PHLPP1: variants seen among roughly 807,000 people sequenced by gnomAD.
PHLPP1 encodes PH domain and leucine rich repeat protein phosphatase 1, also known as PH domain leucine-rich repeat-containing protein phosphatase 1.
A neutral mutation model predicts 117.2 loss-of-function variants in PHLPP1; 42 were observed. The ratio of observed to expected loss-of-function variants is 0.36; its 90% CI spans 0.28 to 0.46. The LOEUF (loss-of-function observed/expected upper bound fraction) is 0.46, where lower values mean the gene tolerates loss of function less well. Among genes scored for constraint, PHLPP1 ranks in the 20% least tolerant of loss-of-function variants. The probability of loss-of-function intolerance (pLI) is 1.00; values close to 1 mark genes in which losing one functional copy is unlikely to be tolerated. For synonymous variants in PHLPP1, 1,042 were observed against 970.7 expected, an observed-to-expected ratio of 1.07 and a Z score of -1.37; for missense variants, 2,084 against 2,241.9, an observed-to-expected ratio of 0.93 and a Z score of 1.42.
chr18:62,771,228 AAAG>A (rs1464590854), intron 1 of PHLPP1, among the ~76,000 whole-genome samples: 1 of 150,852 alleles, frequency 6.6e-6, no homozygotes, highest in African/African-American at 2.5e-5. Flanking sequence ...AAAAAAAAAA[AAAG>A]AAAGCAAAGT....
chr18:62,828,158 A>G (rs1914661123), intron 1 of PHLPP1, among the ~76,000 whole-genome samples: 1 of 151,710 alleles, frequency 6.6e-6, no homozygotes, highest in African/African-American at 2.4e-5. Flanking sequence ...CATTTTTATT[A>G]TTCTTTGTCT....
chr18:62,953,616 C>T (rs78202028), intron 12 of PHLPP1, among the ~76,000 whole-genome samples: 2,712 of 152,334 alleles, frequency 0.018, 60 homozygotes, highest in African/African-American at 0.061. Context: ...ACTGTGTCTG[C>T]CATCTCCATA....
chr18:62,829,341 G>A (rs1054466244), intron 1 of PHLPP1, among the ~76,000 whole-genome samples: 1 of 152,164 alleles, frequency 6.6e-6, no homozygotes, highest in Non-Finnish European at 1.5e-5. Flanking sequence ...GATGTTGGAT[G>A]TTATTTTCCT....
At chr18:62,873,811 C>G (rs1036677965) in intron 4 of PHLPP1, among the ~76,000 whole-genome samples, 3 of 152,018 alleles carry the variant, frequency 2.0e-5, no homozygotes, top group Admixed American at 2.0e-4. Context: ...GTTACAACAC[C>G]ACGAAACTAC....
intron 10 of PHLPP1, among the ~76,000 whole-genome samples, chr18:62,920,826 A>T (rs1018850193): frequency 6.6e-6 from 1 of 152,090 alleles, no homozygotes; most frequent in East Asian, 1.9e-4. Flanking sequence ...CTCCCAAAAT[A>T]CTGGGATTAT....
chr18:62,880,983 A>G (rs1916161188), intron 4 of PHLPP1, among the ~76,000 whole-genome samples: 1 of 152,228 alleles, frequency 6.6e-6, no homozygotes, highest in Non-Finnish European at 1.5e-5. Flanking sequence ...CATAGGATTA[A>G]CCCAGCCTAA....
chr18:62,821,549 C>CA, intron 1 of PHLPP1, among the ~76,000 whole-genome samples: 1 of 129,870 alleles, frequency 7.7e-6, no homozygotes, highest in Non-Finnish European at 1.6e-5. Flanking sequence ...ACCCTTTATC[C>CA]AAAAAAAAAA....
intron 6 of PHLPP1, among the ~76,000 whole-genome samples, chr18:62,897,584 G>C (rs1916594690): frequency 6.6e-6 from 1 of 152,140 alleles, no homozygotes; most frequent in Non-Finnish European, 1.5e-5. Flanking sequence ...TCAGCTCACT[G>C]CAACCTCCAC....
intron 1 of PHLPP1, among the ~76,000 whole-genome samples, chr18:62,739,176 G>A (rs1397246498): frequency 6.6e-6 from 1 of 152,194 alleles, no homozygotes; most frequent in Non-Finnish European, 1.5e-5. Flanking sequence ...TAGTTTTGAA[G>A]CCTTTGGATT....
At chr18:62,738,892 G>A (rs985881083) in intron 1 of PHLPP1, among the ~76,000 whole-genome samples, 1 of 152,206 alleles carries the variant, frequency 6.6e-6, no homozygotes, top group Non-Finnish European at 1.5e-5. Flanking sequence ...GGTAACTAGG[G>A]ATATGGTGTG....
intron 2 of PHLPP1, chr18:62,837,677 G>GC (rs1568133302): frequency 7.0e-6 from 1 of 142,364 alleles, no homozygotes; most frequent in African/African-American, 2.6e-5. Flanking sequence ...TTCCTTCCAA[G>GC]TTTTTTTTTT....
chr18:62,727,615 C>CAAA (rs71160863), intron 1 of PHLPP1, among the ~76,000 whole-genome samples: 1 of 61,522 alleles, frequency 1.6e-5, no homozygotes. Flanking sequence ...GACCCTGTCT[C>CAAA]AAAAAAAAAA....
intron 14 of PHLPP1, among the ~76,000 whole-genome samples, chr18:62,967,670 T>G (rs1031474283): frequency 6.6e-6 from 1 of 152,136 alleles, no homozygotes; most frequent in Admixed American, 6.6e-5. Context: ...GATAACACAT[T>G]TTGTCATAGA....
intron 1 of PHLPP1, among the ~76,000 whole-genome samples, chr18:62,775,546 G>A (rs1912926182): frequency 6.6e-6 from 1 of 152,106 alleles, no homozygotes; most frequent in South Asian, 2.1e-4. Flanking sequence ...ATATTCATTG[G>A]CTTTCTTGGC....
In PHLPP1 at chr18:62,746,971, A is replaced by G. The variant is rs994252837; in HGVS notation, c.1576+29712A>G. ...TAATTGTTCTAGACTCAGTTTTGGG[A>G]AGAGATACTTTTCTAGAAAATATTC... On this transcript the variant is annotated intron_variant, in intron 1 of 16. Transcript: ENST00000262719. Among the ~76,000 whole-genome samples the G allele has an allele frequency of 2.6e-5, 4 of 152,244 alleles. No homozygotes were observed. The South Asian group carries it at 8.3e-4, about 32-fold the overall frequency.
At chr18:62,867,858 C>T (rs1391274973) in intron 4 of PHLPP1, among the ~76,000 whole-genome samples, 1 of 151,934 alleles carries the variant, frequency 6.6e-6, no homozygotes, top group Non-Finnish European at 1.5e-5. Context: ...GTTGTCCAGG[C>T]TGGAGCGCAG....
intron 14 of PHLPP1, among the ~76,000 whole-genome samples, chr18:62,970,958 T>C (rs1911034616): frequency 6.6e-6 from 1 of 152,166 alleles, no homozygotes; most frequent in Non-Finnish European, 1.5e-5. Context: ...CATCTGGAAA[T>C]GTCTTTATTT....
chr18:62,903,113 T>C lies in PHLPP1; in HGVS notation c.2594T>C (p.Val865Ala), dbSNP rs1916766675. 6.2e-7 allele frequency: 1 copy of C among 1,613,628 alleles called. No homozygotes were observed. Among genetic ancestry groups the C allele is most frequent in the Admixed American group, 1.7e-5 (1 of 60,002 alleles). Residue 865 changes from valine to alanine, a missense_variant, in exon 7 of 17, where the codon GTC (valine) becomes GCC (alanine). Coordinates refer to ENST00000262719, the MANE Select transcript of PHLPP1 (RefSeq NM_194449.4). Reference sequence around the variant, plus strand: ...TTACACTGTGAAAGGAATCAACTGGTCACATTAGACATCTGTGGCTATTTC... The same window carrying C: ...TTACACTGTGAAAGGAATCAACTGGCCACATTAGACATCTGTGGCTATTTC... ...EVLHCERNQL[V>A]TLDICGYFLK...
At chr18:62,833,951 G>GGAAT (rs1914821858) in intron 2 of PHLPP1, among the ~76,000 whole-genome samples, 1 of 152,138 alleles carries the variant, frequency 6.6e-6, no homozygotes, top group Admixed American at 6.5e-5. Flanking sequence ...GTTATATGTA[G>GGAAT]GAATGTTTTG....
Sources: gnomAD v4.1 joint callset for allele counts (sites outside exome capture counted in the v4.1 genomes callset) on GRCh38, gnomAD v4.1.1 for gene constraint, MANE v1.5 for transcripts, NCBI Gene and HGNC (gene_info 2026-07-23, HGNC 2026-07-21) for gene names.